BRD4: variants seen among roughly 807,000 people sequenced by gnomAD.
The protein encoded by BRD4 is bromodomain containing 4, also known as bromodomain-containing protein 4.
BRD4 carries 16 observed loss-of-function variants against 142.1 expected under a neutral mutation model. That is an observed-to-expected ratio of 0.11 (90% CI 0.08 to 0.17). BRD4 has a LOEUF of 0.17. BRD4 is among the 10% of genes least tolerant of loss of function. The pLI is 1.00. For synonymous variants in BRD4, 833 were observed against 707.5 expected, an observed-to-expected ratio of 1.18 and a Z score of -2.82; for missense variants, 1,424 against 1,810.9, an observed-to-expected ratio of 0.79 and a Z score of 3.88.
At chr19:15,310,685 G>A (rs1009449524) in intron 1 of BRD4, among the ~76,000 whole-genome samples, 3 of 150,102 alleles carry the variant, frequency 2.0e-5, no homozygotes, top group Non-Finnish European at 4.5e-5. Context: ...ATTAGAGACG[G>A]GGTTTCACCA....
chr19:15,242,755 G>A (rs1568377478), intron 14 of BRD4, 145 bp downstream of exon 14: 2 of 1,288,190 alleles, frequency 1.6e-6, no homozygotes, highest in Non-Finnish European at 2.1e-6. Flanking sequence ...AAGCACCAAT[G>A]ACCCTTCCAG....
chr19:15,262,407 G>A (rs2047481178), intron 7 of BRD4, among the ~76,000 whole-genome samples: 1 of 151,072 alleles, frequency 6.6e-6, no homozygotes, highest in Non-Finnish European at 1.5e-5. Context: ...CAGTCTTAAA[G>A]AATTTAAAAA....
Position 15,250,055 on chromosome 19 carries a change from G to GCGGATGCCTCTGCTGGAGTCA in BRD4, c.2158+4076_2158+4096dup, listed in dbSNP as rs1189122486. On this transcript the variant is annotated intron_variant, in intron 11 of 19. Coordinates refer to ENST00000679869, the MANE Select transcript of BRD4 (RefSeq NM_001379291.1). Reference sequence around the variant, plus strand: ...GGCTTGTTCCCACCCACGTAGCAGAGCGGATGCCTCTGCTGGAGTCACGGA... The same window carrying GCGGATGCCTCTGCTGGAGTCA: ...GGCTTGTTCCCACCCACGTAGCAGAGCGGATGCCTCTGCTGGAGTCACGGATGCCTCTGCTGGAGTCACGGA... 6.6e-5 allele frequency among the ~76,000 whole-genome samples: 10 copies of GCGGATGCCTCTGCTGGAGTCA among 152,272 alleles called. No individual in the cohort carries two copies. The East Asian group carries it at 1.7e-3, about 26-fold the overall frequency.
At chr19:15,280,883 C>A (rs1332678720) in intron 1 of BRD4, among the ~76,000 whole-genome samples, 4 of 152,214 alleles carry the variant, frequency 2.6e-5, no homozygotes, top group South Asian at 2.1e-4. Flanking sequence ...TTTCTCAATA[C>A]AATTCAATTT....
intron 1 of BRD4, among the ~76,000 whole-genome samples, chr19:15,276,296 T>C (rs1055264504): frequency 6.6e-6 from 1 of 152,220 alleles, no homozygotes; most frequent in African/African-American, 2.4e-5. Context: ...GAGACCCAGA[T>C]GACTTTTCTA....
chr19:15,294,399 T>C (rs560299032), intron 1 of BRD4, among the ~76,000 whole-genome samples: 6 of 152,278 alleles, frequency 3.9e-5, no homozygotes, highest in Admixed American at 1.3e-4. Flanking sequence ...AATGGGCCCA[T>C]TTGCTTCCTC....
chr19:15,252,753 A>G (rs917855794), intron 11 of BRD4, among the ~76,000 whole-genome samples: 10 of 152,232 alleles, frequency 6.6e-5, no homozygotes, highest in Admixed American at 2.0e-4. Context: ...GTGGTAGAGA[A>G]TGTGGGCATC....
intron 1 of BRD4, among the ~76,000 whole-genome samples, chr19:15,290,210 G>A (rs1476374913): frequency 1.3e-5 from 2 of 152,084 alleles, no homozygotes; most frequent in African/African-American, 4.8e-5. Context: ...CCTCCTGCTC[G>A]AGTGACATTT....
chr19:15,310,257 A>C (rs1272590772), intron 1 of BRD4, among the ~76,000 whole-genome samples: 1 of 125,722 alleles, frequency 8.0e-6, no homozygotes, highest in Non-Finnish European at 1.6e-5. Context: ...TTTGTTGACC[A>C]AGCTGAAGTG....
At position 15,238,495 on chromosome 19, in the gene BRD4, C is replaced by T. The variant is rs777668547; in HGVS notation, c.4021-50G>A. ...TCAGGAGGATGACCTAGCCACCCTG[C>T]AGCTACAAGCCCTCATACCCGCTAC... is the stretch of plus-strand genomic sequence containing the variant. On this transcript the variant is annotated intron_variant, in intron 19 of 19. Transcript: ENST00000679869. This position sits in a 1 kb window ranked among gnomAD's most constrained non-coding sequence, Gnocchi z 7.2. 4 of 1,612,314 alleles carry T rather than the reference C, an allele frequency of 2.5e-6. No individual in the cohort carries two copies. The highest frequency in any genetic ancestry group is 2.2e-5 in the South Asian group (2 of 90,874).
Position 15,238,243 on chromosome 19 carries a change from C to A in BRD4, c.*134G>T. ...TCCTCAGCTGCCCGTCAGGCCTGCC[C>A]CGGGCATAGCATGCAGGAGGGCCAG... is the stretch of plus-strand genomic sequence containing the variant. On this transcript the variant is annotated 3_prime_UTR_variant, in exon 20 of 20. Transcript: ENST00000679869. This position sits in a 1 kb window ranked among gnomAD's most constrained non-coding sequence, Gnocchi z 7.2. The A allele has an allele frequency of 6.9e-7, 1 of 1,444,240 alleles. No homozygotes were observed. Among genetic ancestry groups the A allele is most frequent in the East Asian group, 2.4e-5 (1 of 41,764 alleles). 89.5% of individuals were successfully genotyped at this position (1,444,240 alleles called of 1,614,324 possible). A position where few individuals can be genotyped will look rare whatever the true frequency, so the allele number is the denominator to read the frequency against.
At chr19:15,289,663 TC>T (rs2047766241) in intron 1 of BRD4, among the ~76,000 whole-genome samples, 1 of 138,440 alleles carries the variant, frequency 7.2e-6, no homozygotes, top group Non-Finnish European at 1.6e-5. Context: ...GCGGTTTTGA[TC>T]CAAAAAAAAA....
At chr19:15,270,215 G>A (rs1310720509) in intron 2 of BRD4, among the ~76,000 whole-genome samples, 2 of 152,242 alleles carry the variant, frequency 1.3e-5, no homozygotes, top group Non-Finnish European at 2.9e-5. Flanking sequence ...CAAGCACTGA[G>A]GCCCTGCTCG....
chr19:15,255,632 CCT>C (rs2047400248), intron 9 of BRD4, 40 bp from the exon 10 acceptor site: 1 of 1,551,372 alleles, frequency 6.4e-7, no homozygotes, highest in Non-Finnish European at 8.7e-7. Context: ...GAACGGGCCC[CCT>C]GAGGAAGCCA....
intron 1 of BRD4, among the ~76,000 whole-genome samples, chr19:15,309,989 C>A (rs1279575893): frequency 2.0e-5 from 3 of 152,106 alleles, no homozygotes; most frequent in Non-Finnish European, 4.4e-5. Flanking sequence ...TTGGTAAGCA[C>A]CCTCGCACTT....
intron 1 of BRD4, chr19:15,331,934 T>TCGGCCCGCCCC (rs2048164074): frequency 2.1e-5 from 3 of 139,966 alleles, no homozygotes; most frequent in Admixed American, 1.4e-4. Flanking sequence ...GCCGGGCGCC[T>TCGGCCCGCCCC]CGGCCCGCCC....
At chr19:15,314,740 G>A (rs2048001911) in intron 1 of BRD4, among the ~76,000 whole-genome samples, 1 of 152,136 alleles carries the variant, frequency 6.6e-6, no homozygotes, top group Non-Finnish European at 1.5e-5. Context: ...CCCTTCAAAG[G>A]CCCACTTACC....
chr19:15,240,397 T>C (rs2047229279), intron 14 of BRD4, among the ~76,000 whole-genome samples: 1 of 152,172 alleles, frequency 6.6e-6, no homozygotes, highest in Non-Finnish European at 1.5e-5. Context: ...TGGCAGGGCC[T>C]GGGCCCTAAT....
chr19:15,312,469 A>C (rs1489088561), intron 1 of BRD4, among the ~76,000 whole-genome samples: 1 of 152,090 alleles, frequency 6.6e-6, no homozygotes, highest in Non-Finnish European at 1.5e-5. Context: ...CGTCTCTACT[A>C]AAAATACAAA....
Sources: allele counts gnomAD v4.1 joint callset (sites outside exome capture counted in the v4.1 genomes callset), GRCh38; gene constraint gnomAD v4.1.1; non-coding constraint Gnocchi (gnomAD v3.1); transcripts MANE v1.5; gene names NCBI Gene and HGNC (gene_info 2026-07-23, HGNC 2026-07-21).